Variants in SETD5 observed in about 807,000 individuals in gnomAD.
The protein encoded by SETD5 is histone-lysine N-methyltransferase SETD5.
A neutral mutation model predicts 153.3 loss-of-function variants in SETD5; 44 were observed. The observed-to-expected ratio is 0.29, with a 90% CI of 0.23 to 0.37. The LOEUF (loss-of-function observed/expected upper bound fraction) is 0.37, where lower values mean the gene tolerates loss of function less well. Among genes scored for constraint, SETD5 ranks in the 10% least tolerant of loss-of-function variants. The pLI, the probability that SETD5 is intolerant of heterozygous loss-of-function variation, is 1.00. For missense variants in SETD5, 1,544 were observed against 1,768.0 expected (o/e 0.87, Z 2.27); for synonymous variants, 716 against 645.2 (o/e 1.11, Z -1.66).
chr3:9,400,202 G>T (rs988050161), intron 1 of SETD5, among the ~76,000 whole-genome samples: 1 of 152,156 alleles, frequency 6.6e-6, no homozygotes, highest in South Asian at 2.1e-4. Context: ...ACTGGATCAT[G>T]GTTAAAGCCT....
At chr3:9,404,951 CTAT>C (rs1468906811) in intron 1 of SETD5, among the ~76,000 whole-genome samples, 2 of 152,176 alleles carry the variant, frequency 1.3e-5, no homozygotes, top group Non-Finnish European at 2.9e-5. Context: ...TTATTTCCTG[CTAT>C]TATTATCTCA....
intron 13 of SETD5, 141 bp downstream of exon 13, chr3:9,445,881 TTTA>T: frequency 2.4e-6 from 1 of 420,334 alleles, no homozygotes; most frequent in Non-Finnish European, 4.2e-6. Flanking sequence ...TAATAAAGAT[TTTA>T]TTATAATTTT....
rs376331382 is a variant in SETD5, at chr3:9,446,649, T to C, written c.1525-401T>C. 2.6e-5 allele frequency among the ~76,000 whole-genome samples: 4 copies of C among 152,076 alleles called. No homozygotes were observed. In the South Asian group the frequency reaches 8.3e-4, roughly 32 times the overall value. ...CTGGCATTACAAGCATGCGCCACCA[T>C]GCCTGGGTAATTTTTTGTATTTTAG... On this transcript the variant is annotated intron_variant, in intron 13 of 22. Coordinates refer to ENST00000402198, the MANE Select transcript of SETD5 (RefSeq NM_001080517.3).
In SETD5 at chr3:9,397,638, G is replaced by A. The variant is rs1345974509; in HGVS notation, c.-516G>A. 5.8e-6 allele frequency: 1 copy of A among 173,710 alleles called. No homozygotes were observed. Among genetic ancestry groups the A allele is most frequent in the Non-Finnish European group, 1.1e-5 (1 of 88,058 alleles). The allele number at this position is 173,710 out of a possible 1,614,324, so 10.8% of individuals were successfully genotyped here. A position where few individuals can be genotyped will look rare whatever the true frequency, so the allele number is the denominator to read the frequency against. On this transcript the variant is annotated 5_prime_UTR_variant, in exon 1 of 23. Transcript: ENST00000402198. ...TCAGTGGCGTTTCCGCTCGGGCAGC[G>A]GGCTGAGTGAGCTGCCGCCGCCGCC... is the stretch of plus-strand genomic sequence containing the variant.
chr3:9,440,399 C>G (rs878922906), intron 7 of SETD5, 57 bp from the exon 8 acceptor site: 3 of 939,182 alleles, frequency 3.2e-6, no homozygotes, highest in Non-Finnish European at 5.2e-6. Flanking sequence ...CACCCCCATT[C>G]CCAACCCTCT....
At chr3:9,399,049 C>T (rs1015674485) in intron 1 of SETD5, among the ~76,000 whole-genome samples, 1 of 152,232 alleles carries the variant, frequency 6.6e-6, no homozygotes, top group Non-Finnish European at 1.5e-5. Context: ...TATTTAAGTT[C>T]ATTTCTCCAG....
chr3:9,433,551 C>A (rs551301496), intron 3 of SETD5: 99 of 1,295,356 alleles, frequency 7.6e-5, no homozygotes, highest in Non-Finnish European at 9.8e-5. Context: ...GGGGAAACTC[C>A]CCGCTCAGCT....
At chr3:9,474,660 AG>A (rs1188308182) in intron 21 of SETD5, 78 bp downstream of exon 21, 1 of 1,547,034 alleles carries the variant, frequency 6.5e-7, no homozygotes, top group Non-Finnish European at 8.7e-7. Flanking sequence ...CCTAGTGCTG[AG>A]TTGAGGTGAG....
chr3:9,445,367 G>T, intron 12 of SETD5, 67 bp downstream of exon 12: 8 of 1,544,134 alleles, frequency 5.2e-6, no homozygotes, highest in East Asian at 2.4e-5. Context: ...AACCCGGGTT[G>T]CCGCATGGTT....
chr3:9,401,046 C>T (rs1185250780), intron 1 of SETD5, among the ~76,000 whole-genome samples: 1 of 152,322 alleles, frequency 6.6e-6, no homozygotes, highest in East Asian at 1.9e-4. Context: ...ATCTCACAAA[C>T]ATCTATAATT....
At chr3:9,400,526 A>G (rs1362300501) in intron 1 of SETD5, among the ~76,000 whole-genome samples, 4 of 152,170 alleles carry the variant, frequency 2.6e-5, no homozygotes, top group Admixed American at 6.5e-5. Context: ...TTTGCTAAAC[A>G]TTTTACTAAG....
chr3:9,417,495 T>C (rs968764460), intron 1 of SETD5, among the ~76,000 whole-genome samples: 12 of 151,790 alleles, frequency 7.9e-5, no homozygotes, highest in South Asian at 2.1e-4. Context: ...TTTTTTTTTT[T>C]TTCCCCCCGA....
rs760893886 is a variant in SETD5, at chr3:9,445,132, A to G, written c.1272A>G (p.Pro424=). The change falls in exon 12 of 23, where the codon CCA becomes CCG. Residue 424 remains proline (P), a synonymous_variant. Transcript: ENST00000402198. ...QKRNPNATEL[P]LLPPPPSLPT... The stretch of plus-strand genomic sequence containing the variant: ...GGAATCCTAATGCTACAGAACTGCC[A>G]CTCCTACCACCTCCTCCAAGCCTAC... 1.1e-4 allele frequency: 171 copies of G among 1,613,820 alleles called. No individual in the cohort carries two copies. The highest frequency in any genetic ancestry group is 1.4e-4 in the Non-Finnish European group (163 of 1,179,886).
intron 1 of SETD5, among the ~76,000 whole-genome samples, chr3:9,415,337 A>G (rs1283520249): frequency 6.6e-6 from 1 of 152,198 alleles, no homozygotes; most frequent in African/African-American, 2.4e-5. Context: ...TAAGATTTCC[A>G]GAGAAAGTTT....
chr3:9,445,772 C>T (rs1441254861), intron 13 of SETD5, 32 bp downstream of exon 13: 2 of 1,482,916 alleles, frequency 1.3e-6, no homozygotes, highest in East Asian at 4.6e-5. Context: ...TTTGCTCCTT[C>T]TCATTCCTGC....
chr3:9,475,995 A>C lies in SETD5; in HGVS notation c.4233A>C (p.Ser1411=). The change falls in exon 23 of 23, where the codon TCA becomes TCC. Residue 1411 remains serine, a synonymous_variant. Coordinates refer to ENST00000402198, the MANE Select transcript of SETD5 (RefSeq NM_001080517.3). ...QASRVSAVSN[S]QHYPHRGSGG... ...CCAGGGTATCTGCGGTTTCCAATTC[A>C]CAGCACTACCCACACCGTGGGAGTG... 1 of 1,613,928 alleles carries C rather than the reference A, an allele frequency of 6.2e-7. No homozygotes were observed. The highest frequency in any genetic ancestry group is 8.5e-7 in the Non-Finnish European group (1 of 1,179,890).
rs1444146855 is a variant in SETD5 at position 9,474,564 on chromosome 3, A to G, written c.3613A>G (p.Ile1205Val). The G allele has an allele frequency of 1.2e-6, 2 of 1,613,876 alleles. No individual in the cohort carries two copies. Among genetic ancestry groups the G allele is most frequent in the Non-Finnish European group, 1.7e-6 (2 of 1,179,862 alleles). Residue 1205 changes from isoleucine (I) to valine (V), a missense_variant, in exon 21 of 23, where the codon ATC (isoleucine) becomes GTC (valine). Around this residue, in one of 9 missense-constraint regions of SETD5, gnomAD observed 38 missense variants for 71.4 expected, o/e 0.53. Transcript: ENST00000402198. ...GEPSPTWESN[I>V]TEKDSDPADG... ...GCCCTCTCCCACATGGGAGAGTAAC[A>G]TCACAGAGAAAGACTCAGGTGAGCC...
At chr3:9,471,749 G>A (rs942615096) in intron 19 of SETD5, among the ~76,000 whole-genome samples, 2 of 152,222 alleles carry the variant, frequency 1.3e-5, no homozygotes, top group Admixed American at 1.3e-4. Context: ...ATGAGTAGGA[G>A]TGTTTTGAAT....
At chr3:9,430,025 T>A in intron 3 of SETD5, 1 of 1,122,448 alleles carries the variant, frequency 8.9e-7, no homozygotes, top group Non-Finnish European at 1.1e-6. Context: ...TTCAGACTCT[T>A]GATCCCACAG....
Sources: allele counts gnomAD v4.1 joint callset (sites outside exome capture counted in the v4.1 genomes callset), GRCh38; gene constraint gnomAD v4.1.1; regional missense constraint gnomAD v4.1.1; transcripts MANE v1.5; gene names NCBI Gene and HGNC (gene_info 2026-07-23, HGNC 2026-07-21).